The following DCLK1 variants were observed in gnomAD, a reference collection of about 807,000 sequenced individuals.
The protein encoded by DCLK1 is serine/threonine-protein kinase DCLK1.
A neutral mutation model predicts 86.2 loss-of-function variants in DCLK1; 16 were observed. The ratio of observed to expected loss-of-function variants is 0.19; its 90% CI spans 0.13 to 0.28. The LOEUF is 0.28. Ranked by LOEUF, DCLK1 falls within the 10% of genes least tolerant of loss-of-function variation. DCLK1 has a pLI of 1.00. For missense variants in DCLK1, 590 were observed against 940.2 expected (o/e 0.63, Z 4.87); for synonymous variants, 369 against 370.5 (o/e 1.00, Z 0.05).
intron 10 of DCLK1, among the ~76,000 whole-genome samples, chr13:35,825,746 A>C (rs2087505534): frequency 6.6e-6 from 1 of 152,046 alleles, no homozygotes; most frequent in South Asian, 2.1e-4. Context: ...TAAAAAGATA[A>C]TTTAATAATA....
At chr13:35,932,477 G>C (rs1429874096) in intron 4 of DCLK1, among the ~76,000 whole-genome samples, 1 of 152,152 alleles carries the variant, frequency 6.6e-6, no homozygotes, top group Non-Finnish European at 1.5e-5. Context: ...ACGTGAGACT[G>C]GGCAATTTAC....
At chr13:36,052,841 A>T (rs1465355936) in intron 3 of DCLK1, among the ~76,000 whole-genome samples, 1 of 152,170 alleles carries the variant, frequency 6.6e-6, no homozygotes, top group Non-Finnish European at 1.5e-5. Flanking sequence ...GACGTCTATG[A>T]ACCCCTAGAC....
At chr13:36,074,607 A>G (rs1884115528) in intron 3 of DCLK1, among the ~76,000 whole-genome samples, 1 of 151,970 alleles carries the variant, frequency 6.6e-6, no homozygotes, top group Admixed American at 6.6e-5. Flanking sequence ...AAGTGACTGA[A>G]AAAATAGAGT....
chr13:35,827,906 C>T, intron 9 of DCLK1, 152 bp from the exon 10 acceptor site: 2 of 984,100 alleles, frequency 2.0e-6, no homozygotes, highest in Non-Finnish European at 3.0e-6. Context: ...CAGATATAGC[C>T]TAGAATTGCC....
chr13:35,891,034 T>G (rs1432106977), intron 4 of DCLK1, among the ~76,000 whole-genome samples: 1 of 152,162 alleles, frequency 6.6e-6, no homozygotes, highest in Non-Finnish European at 1.5e-5. Context: ...TGTTTTATAT[T>G]CTGATTGGCC....
At chr13:35,795,060 G>T (rs1000476845) in intron 15 of DCLK1, among the ~76,000 whole-genome samples, 1 of 152,196 alleles carries the variant, frequency 6.6e-6, no homozygotes, top group Admixed American at 6.5e-5. Flanking sequence ...CTGTTACAAG[G>T]CTGCATGGCT....
chr13:35,972,037 G>A (rs963077179), intron 3 of DCLK1, among the ~76,000 whole-genome samples: 3 of 152,026 alleles, frequency 2.0e-5, no homozygotes, highest in Non-Finnish European at 4.4e-5. Context: ...TCCAACTGCT[G>A]ACTTAAAATT....
At chr13:35,811,064 T>C (rs2087130942) in intron 11 of DCLK1, 96 bp from the exon 12 acceptor site, 20 of 1,475,426 alleles carry the variant, frequency 1.4e-5, no homozygotes, top group Non-Finnish European at 1.8e-5. Flanking sequence ...ATTTAATGTA[T>C]AGGAGGTAAA....
chr13:36,024,966 TTC>T (rs947838731), intron 3 of DCLK1, among the ~76,000 whole-genome samples: 2 of 151,186 alleles, frequency 1.3e-5, no homozygotes, highest in Non-Finnish European at 2.9e-5. Context: ...TTTCTTTTCT[TTC>T]TTTTTTTTTT....
At chr13:35,952,274 T>G (rs147680678) in intron 3 of DCLK1, among the ~76,000 whole-genome samples, 18 of 152,286 alleles carry the variant, frequency 1.2e-4, no homozygotes, top group African/African-American at 4.1e-4. Context: ...TTGAAGAAAA[T>G]GTAGCAAACG....
At chr13:35,959,461 TG>T (rs941017541) in intron 3 of DCLK1, among the ~76,000 whole-genome samples, 7 of 152,114 alleles carry the variant, frequency 4.6e-5, no homozygotes, top group African/African-American at 1.7e-4. Context: ...CACCTATAAA[TG>T]GGGCAGCTCA....
At chr13:36,056,621 A>T (rs1298795112) in intron 3 of DCLK1, among the ~76,000 whole-genome samples, 1 of 133,824 alleles carries the variant, frequency 7.5e-6, no homozygotes, top group African/African-American at 3.0e-5. Flanking sequence ...TATAATTTAA[A>T]AAAAAAAAAA....
At chr13:35,996,337 C>T (rs1288635133) in intron 3 of DCLK1, among the ~76,000 whole-genome samples, 1 of 152,190 alleles carries the variant, frequency 6.6e-6, no homozygotes, top group African/African-American at 2.4e-5. Context: ...CAAACAGCAC[C>T]ATGTGCAATG....
At chr13:36,001,923 G>A (rs1880739370) in intron 3 of DCLK1, among the ~76,000 whole-genome samples, 1 of 152,158 alleles carries the variant, frequency 6.6e-6, no homozygotes, top group Non-Finnish European at 1.5e-5. Context: ...TCAAGTAGAT[G>A]AAGCTTGGAC....
At chr13:36,023,817 C>T (rs1296555936) in intron 3 of DCLK1, among the ~76,000 whole-genome samples, 2 of 151,894 alleles carry the variant, frequency 1.3e-5, no homozygotes, top group Non-Finnish European at 2.9e-5. Flanking sequence ...GAATATCATA[C>T]TTAATACAGA....
At chr13:35,941,158 T>G (rs368766070) in intron 4 of DCLK1, among the ~76,000 whole-genome samples, 11 of 152,294 alleles carry the variant, frequency 7.2e-5, no homozygotes, top group African/African-American at 2.4e-4. Context: ...GTTCCTACTA[T>G]TCCATTAGGT....
chr13:35,935,872 A>C (rs191283763), intron 4 of DCLK1, among the ~76,000 whole-genome samples: 1 of 152,304 alleles, frequency 6.6e-6, no homozygotes, highest in East Asian at 1.9e-4. Context: ...TGGGAAAATT[A>C]TACATCCTTC....
chr13:35,931,083 C>T (rs1022191674), intron 4 of DCLK1, among the ~76,000 whole-genome samples: 6 of 152,198 alleles, frequency 3.9e-5, no homozygotes, highest in African/African-American at 9.6e-5. Flanking sequence ...GGCTCCCTTA[C>T]GTTGTTTCCC....
At chr13:35,868,088 T>C (rs538261689) in intron 5 of DCLK1, among the ~76,000 whole-genome samples, 159 of 146,022 alleles carry the variant, frequency 1.1e-3, no homozygotes, top group African/African-American at 4.0e-3. Context: ...AGTGGCACCA[T>C]CTCCGCTCAC....
Sources: gnomAD v4.1 joint callset for allele counts (sites outside exome capture counted in the v4.1 genomes callset) on GRCh38, gnomAD v4.1.1 for gene constraint, MANE v1.5 for transcripts, NCBI Gene and HGNC (gene_info 2026-07-23, HGNC 2026-07-21) for gene names.